ARHGAP5: variants seen among roughly 807,000 people sequenced by gnomAD.
ARHGAP5 encodes the protein Rho GTPase activating protein 5, also known as rho GTPase-activating protein 5.
A neutral mutation model predicts 116.6 loss-of-function variants in ARHGAP5; 23 were observed. The observed-to-expected ratio is 0.20, with a 90% CI of 0.14 to 0.28. The LOEUF (loss-of-function observed/expected upper bound fraction) is 0.28, where lower values mean the gene tolerates loss of function less well. Ranked by LOEUF, ARHGAP5 falls within the 10% of genes least tolerant of loss-of-function variation. The pLI, the probability that ARHGAP5 is intolerant of heterozygous loss-of-function variation, is 1.00. For missense variants in ARHGAP5, 1,405 were observed against 1,774.8 expected (o/e 0.79, Z 3.74); for synonymous variants, 574 against 602.0 (o/e 0.95, Z 0.68).
chr14:32,118,977 A>G (rs1200626732), intron 3 of ARHGAP5, among the ~76,000 whole-genome samples: 1 of 152,178 alleles, frequency 6.6e-6, no homozygotes, highest in African/African-American at 2.4e-5. Context: ...GTCTAGTCCA[A>G]TTCTTAAAAC....
intron 3 of ARHGAP5, among the ~76,000 whole-genome samples, chr14:32,122,431 T>G (rs748830515): frequency 7.2e-5 from 11 of 152,186 alleles, no homozygotes; most frequent in Non-Finnish European, 1.6e-4. Flanking sequence ...TCAAATACGA[T>G]TTGCTAAAAT....
chr14:32,077,428 G>A lies in ARHGAP5; in HGVS notation c.-176G>A. On this transcript the variant is annotated 5_prime_UTR_variant, in exon 1 of 7. Transcript: ENST00000345122. ...TGAGGAGGAGACGGAGGAGACCGAC[G>A]TTGTTAGGTAGGACCTTGCGGACCC... 1.4e-6 allele frequency: 1 copy of A among 706,232 alleles called. No individual in the cohort carries two copies. Among genetic ancestry groups the A allele is most frequent in the Non-Finnish European group, 2.6e-6 (1 of 387,108 alleles). The allele number at this position is 706,232 out of a possible 1,614,324, so 43.7% of individuals were successfully genotyped here.
chr14:32,093,014 T>C lies in ARHGAP5; in HGVS notation c.2345T>C (p.Met782Thr). The C allele has an allele frequency of 6.2e-7, 1 of 1,614,122 alleles. No individual in the cohort carries two copies. Among genetic ancestry groups the C allele is most frequent in the Non-Finnish European group, 8.5e-7 (1 of 1,179,978 alleles). Reference protein sequence around the residue: ...DLSEADLRIVMCAMCGDPFSV... With the variant: ...DLSEADLRIVTCAMCGDPFSV... ...TCAGAAGCTGACTTGAGAATTGTCA[T>C]GTGCGCCATGTGTGGAGATCCATTT... is the stretch of plus-strand genomic sequence containing the variant. Residue 782 changes from methionine to threonine, a missense_variant, in exon 2 of 7, where the codon ATG becomes ACG. This residue lies in a region of ARHGAP5 where 944 missense variants were observed against 1,095.3 expected (regional missense o/e 0.86). Coordinates refer to ENST00000345122, the MANE Select transcript of ARHGAP5 (RefSeq NM_001030055.2).
In ARHGAP5 at chr14:32,128,626, C is replaced by T. The variant is rs535410024; in HGVS notation, c.3865+11339C>T. Among the ~76,000 whole-genome samples the T allele has an allele frequency of 9.3e-4, 141 of 152,328 alleles. 1 individual carries two copies. Among genetic ancestry groups the T allele is most frequent in the South Asian group, 1.4e-3 (7 of 4,834 alleles). ...CCTCCCTGGGCTCGCCGCGCCTGGCCGCCCGGCAGGCAGCCCCAGGCCCCG... is the reference window on the plus strand; with the variant it reads ...CCTCCCTGGGCTCGCCGCGCCTGGCTGCCCGGCAGGCAGCCCCAGGCCCCG... On this transcript the variant is annotated intron_variant, in intron 3 of 6. Coordinates refer to ENST00000345122, the MANE Select transcript of ARHGAP5 (RefSeq NM_001030055.2).
chr14:32,077,336 A>T lies in ARHGAP5; in HGVS notation c.-268A>T. 1 of 607,224 alleles carries T rather than the reference A, an allele frequency of 1.6e-6. No homozygotes were observed. Among genetic ancestry groups the T allele is most frequent in the Admixed American group, 2.2e-5 (1 of 46,468 alleles). The allele number at this position is 607,224 out of a possible 1,614,324, so 37.6% of individuals were successfully genotyped here. On this transcript the variant is annotated 5_prime_UTR_variant, in exon 1 of 7. Transcript: ENST00000345122. ...AGAGGCGAGCGGAGAGTGGAGGAGG[A>T]GGCGGCGGCGGCGGGAGCGGTCCCC...
intron 2 of ARHGAP5, among the ~76,000 whole-genome samples, chr14:32,109,910 T>C (rs531036350): frequency 1.3e-5 from 2 of 152,240 alleles, no homozygotes; most frequent in East Asian, 3.9e-4. Flanking sequence ...CCCCCCACTG[T>C]TGGTCATTTG....
chr14:32,104,972 T>A (rs560601306), intron 2 of ARHGAP5, among the ~76,000 whole-genome samples: 3 of 152,268 alleles, frequency 2.0e-5, no homozygotes, highest in African/African-American at 7.2e-5. Flanking sequence ...GCTGCTGGCA[T>A]CTAGTGGGTA....
chr14:32,120,563 T>C (rs893341149), intron 3 of ARHGAP5, among the ~76,000 whole-genome samples: 2 of 152,032 alleles, frequency 1.3e-5, no homozygotes, highest in Admixed American at 6.5e-5. Context: ...CATATAGATA[T>C]GCTGTGTTCC....
At chr14:32,146,005 C>T (rs186352814) in intron 3 of ARHGAP5, among the ~76,000 whole-genome samples, 54 of 151,952 alleles carry the variant, frequency 3.6e-4, no homozygotes, top group Middle Eastern at 3.4e-3. Context: ...CTCCCAGGCT[C>T]AGGTGGGGAG....
chr14:32,115,480 G>T (rs186290240), intron 2 of ARHGAP5, among the ~76,000 whole-genome samples: 85 of 151,944 alleles, frequency 5.6e-4, no homozygotes, highest in African/African-American at 1.2e-3. Context: ...TGGCCAACAC[G>T]GTGAAACCGC....
At chr14:32,148,980 T>A (rs1200383287) in intron 4 of ARHGAP5, among the ~76,000 whole-genome samples, 1 of 152,192 alleles carries the variant, frequency 6.6e-6, no homozygotes, top group Admixed American at 6.5e-5. Flanking sequence ...AGGTCCAAAT[T>A]AGAATTTATA....
intron 5 of ARHGAP5, 85 bp from the exon 6 acceptor site, chr14:32,152,338 T>A: frequency 3.4e-6 from 3 of 895,026 alleles, no homozygotes; most frequent in Non-Finnish European, 5.3e-6. Flanking sequence ...TTCTTGACTG[T>A]TATAGTAAAT....
chr14:32,158,916 G>C lies in ARHGAP5; in HGVS notation c.*3968G>C, dbSNP rs572564491. On this transcript the variant is annotated 3_prime_UTR_variant, in exon 7 of 7. Transcript: ENST00000345122. ...AGTTAAAATCTAATTAATTAACTTT[G>C]GGAGTCTTCACTATTCAATTGATCC... The C allele has an allele frequency of 6.6e-6, 1 of 152,028 alleles. No homozygotes were observed. The highest frequency in any genetic ancestry group is 1.9e-4 in the East Asian group (1 of 5,184). The allele number at this position is 152,028 out of a possible 1,614,324, so 9.4% of individuals were successfully genotyped here.
rs973441662 is a variant in ARHGAP5, at chr14:32,156,641, A to G, written c.*1693A>G. The G allele has an allele frequency of 6.6e-6, 1 of 152,376 alleles. No individual in the cohort carries two copies. Among genetic ancestry groups the G allele is most frequent in the Non-Finnish European group, 1.5e-5 (1 of 67,812 alleles). 9.4% of individuals were successfully genotyped at this position (152,376 alleles called of 1,614,324 possible). A position where few individuals can be genotyped will look rare whatever the true frequency, so the allele number is the denominator to read the frequency against. On this transcript the variant is annotated 3_prime_UTR_variant, in exon 7 of 7. Transcript: ENST00000345122. ...AAAGTACAGTAATTTTTAAAAAAAA[A>G]TCCGGTAAATGTAGTATTCTTAACC... is the stretch of plus-strand genomic sequence containing the variant.
intron 6 of ARHGAP5, among the ~76,000 whole-genome samples, chr14:32,152,857 A>G (rs1881705746): frequency 6.6e-6 from 1 of 152,140 alleles, no homozygotes; most frequent in African/African-American, 2.4e-5. Flanking sequence ...AAAAATTACT[A>G]GTTCTGTGAC....
At chr14:32,079,975 C>T (rs1594335211) in intron 1 of ARHGAP5, among the ~76,000 whole-genome samples, 1 of 151,974 alleles carries the variant, frequency 6.6e-6, no homozygotes, top group African/African-American at 2.4e-5. Context: ...TTAAAGTACA[C>T]CAAGGGAATT....
intron 3 of ARHGAP5, among the ~76,000 whole-genome samples, chr14:32,127,866 G>A (rs1480014227): frequency 1.1e-4 from 17 of 150,590 alleles, no homozygotes; most frequent in East Asian, 6.0e-4. Context: ...GCTGCCGGGC[G>A]GAGGGGCTCC....
intron 1 of ARHGAP5, among the ~76,000 whole-genome samples, chr14:32,087,552 G>A (rs111874850): frequency 6.1e-5 from 8 of 130,404 alleles, no homozygotes; most frequent in African/African-American, 2.4e-4. Context: ...GATAAGGAAG[G>A]CACTCCTCTG....
intron 2 of ARHGAP5, among the ~76,000 whole-genome samples, chr14:32,111,839 ATT>A (rs34512246): frequency 0.029 from 2,674 of 93,128 alleles, 11 homozygotes; most frequent in Non-Finnish European, 0.042. Flanking sequence ...TTCTTCTTTG[ATT>A]TTTTTTTTTT....
Sources: gnomAD v4.1 joint callset for allele counts (sites outside exome capture counted in the v4.1 genomes callset) on GRCh38, gnomAD v4.1.1 for gene constraint, gnomAD v4.1.1 regional missense constraint, MANE v1.5 for transcripts, NCBI Gene and HGNC (gene_info 2026-07-23, HGNC 2026-07-21) for gene names.